Variants in KPTN observed in about 807,000 individuals in gnomAD.
KPTN encodes the protein KICSTOR complex protein kaptin.
In KPTN, 36 loss-of-function variants were observed where a neutral mutation model predicts 52.6. The ratio of observed to expected loss-of-function variants is 0.68; its 90% CI spans 0.52 to 0.90. KPTN has a LOEUF of 0.90. Ranked by LOEUF, KPTN falls within the 40% of genes least tolerant of loss-of-function variation. KPTN has a pLI of 0.00. For missense variants in KPTN, 529 were observed against 576.2 expected (o/e 0.92, Z 0.84); for synonymous variants, 271 against 248.4 (o/e 1.09, Z -0.85).
chr19:47,483,175 C>G lies in KPTN; in HGVS notation c.435G>C (p.Gln145His). The G allele has an allele frequency of 6.2e-7, 1 of 1,614,018 alleles. No homozygotes were observed. Among genetic ancestry groups the G allele is most frequent in the Non-Finnish European group, 8.5e-7 (1 of 1,179,976 alleles). ...GGGACACTCACTCCGCATGGCACAG[C>G]TGGAACGGAGTGAACTGGAGCTCCA... ...LNLELQFTPFQLCHAEVQVGD... is the reference protein window; with the variant it reads ...LNLELQFTPFHLCHAEVQVGD... Residue 145 changes from glutamine to histidine, a missense_variant, in exon 4 of 12, where the codon CAG becomes CAC. Physicochemically the swap from Gln to His is conservative, Grantham distance 24. Coordinates refer to ENST00000338134, the MANE Select transcript of KPTN (RefSeq NM_007059.4).
At chr19:47,480,428 C>A in intron 6 of KPTN, 21 bp from the exon 7 acceptor site, 2 of 1,515,984 alleles carry the variant, frequency 1.3e-6, no homozygotes, top group Non-Finnish European at 1.8e-6. Context: ...GGTGGATGGA[C>A]AGGACGGACG....
At chr19:47,477,293 G>A (rs1967704434) in intron 9 of KPTN, among the ~76,000 whole-genome samples, 1 of 152,192 alleles carries the variant, frequency 6.6e-6, no homozygotes, top group Non-Finnish European at 1.5e-5. Context: ...CCCTAGAGGG[G>A]TGCCAGAGCT....
At chr19:47,476,746 T>C in intron 10 of KPTN, 32 bp from the exon 11 acceptor site, 1 of 1,606,700 alleles carries the variant, frequency 6.2e-7, no homozygotes, top group Non-Finnish European at 8.5e-7. Context: ...TCACACAGGT[T>C]GATGGGGGGA....
At chr19:47,483,132 G>A in intron 4 of KPTN, 29 bp downstream of exon 4, 1 of 1,608,584 alleles carries the variant, frequency 6.2e-7, no homozygotes, top group Non-Finnish European at 8.5e-7. Context: ...TTACAGTGGA[G>A]TGGGCGTCGA....
chr19:47,479,987 G>GC, intron 7 of KPTN, 47 bp from the exon 8 acceptor site: 1 of 1,084,704 alleles, frequency 9.2e-7, no homozygotes. Flanking sequence ...CCCCGGTCCC[G>GC]CCCGCAGCCC....
chr19:47,484,140 C>T lies in KPTN; in HGVS notation c.21G>A (p.Val7=). Residue 7 remains valine, a synonymous_variant, in exon 1 of 12, where the codon GTG becomes GTA. Transcript: ENST00000338134. The part of the protein sequence containing the change: MMGEAA[V]AAGPCPLRED... ...CGCGCAACGGACAAGGCCCCGCGGC[C>T]ACGGCCGCCTCCCCCATCATGCCCC... 3 of 1,598,336 alleles carry T rather than the reference C, an allele frequency of 1.9e-6. No homozygotes were observed. The highest frequency in any genetic ancestry group is 2.5e-6 in the Non-Finnish European group (3 of 1,178,718).
At position 47,475,411 on chromosome 19, in the gene KPTN, G is replaced by A. The variant is rs1295239109; in HGVS notation, c.*5C>T. 6.2e-7 allele frequency: 1 copy of A among 1,611,618 alleles called. No individual in the cohort carries two copies. Among genetic ancestry groups the A allele is most frequent in the Admixed American group, 1.7e-5 (1 of 59,902 alleles). Reference sequence around the variant, plus strand: ...CAGGTCTGGGAAGAGTGGGTGCATGGGTGCTTAAGAGGCTGCATTCTCAGC... The same window carrying A: ...CAGGTCTGGGAAGAGTGGGTGCATGAGTGCTTAAGAGGCTGCATTCTCAGC... On this transcript the variant is annotated 3_prime_UTR_variant, in exon 12 of 12. Transcript: ENST00000338134.
rs1046273 is a variant in KPTN, at chr19:47,475,482, C to T, written c.1245G>A (p.Arg415=). 0.021 allele frequency: 34,230 copies of T among 1,613,516 alleles called. 547 individuals are homozygous for T. The highest frequency in any genetic ancestry group is 0.062 in the Admixed American group (3,730 of 59,964). The change falls in exon 12 of 12, where the codon AGG becomes AGA. Residue 415 remains arginine, a synonymous_variant. Transcript: ENST00000338134. ...CCTCCAACCCCTGTAGCCGACGTCTCCTCTGCTCCACTTGATGTCGAAGCC... is the reference window on the plus strand; with the variant it reads ...CCTCCAACCCCTGTAGCCGACGTCTTCTCTGCTCCACTTGATGTCGAAGCC... The part of the protein sequence containing the change: ...LTRLRHQVEQ[R]RRRLQGLEDG...
At position 47,484,183 on chromosome 19, in the gene KPTN, C is replaced by G. The variant is rs1568459304; in HGVS notation, c.-23G>C. 6.3e-7 allele frequency: 1 copy of G among 1,580,022 alleles called. No homozygotes were observed. Among genetic ancestry groups the G allele is most frequent in the African/African-American group, 1.3e-5 (1 of 74,252 alleles). ...CATGCCCCTCAGTTAAGCACCCTCTCCGCAGCCCCCGCCCCAACCCGCACT... is the reference window on the plus strand; with the variant it reads ...CATGCCCCTCAGTTAAGCACCCTCTGCGCAGCCCCCGCCCCAACCCGCACT... On this transcript the variant is annotated 5_prime_UTR_variant, in exon 1 of 12. Transcript: ENST00000338134.
chr19:47,480,353 A>G lies in KPTN; in HGVS notation c.654T>C (p.Ala218=), dbSNP rs1233851935. The G allele has an allele frequency of 1.3e-6, 2 of 1,549,300 alleles. No individual in the cohort carries two copies. The highest frequency in any genetic ancestry group is 1.7e-6 in the Non-Finnish European group (2 of 1,146,458). ...GGACATAACCACTCTGACAGCCCAG[A>G]GCTGAGAGGCGCCGGGACGTGCCGG... is the stretch of plus-strand genomic sequence containing the variant. ...NFPGTSRRLS[A]LGCQSGYVRV... The change falls in exon 7 of 12, where the codon GCT becomes GCC. Residue 218 remains alanine (A), a synonymous_variant. Coordinates refer to ENST00000338134, the MANE Select transcript of KPTN (RefSeq NM_007059.4).
rs1000329355 is a variant in KPTN at position 47,477,717 on chromosome 19, T to G, written c.852A>C (p.Ala284=). 1 of 1,613,368 alleles carries G rather than the reference T, an allele frequency of 6.2e-7. No individual in the cohort carries two copies. The highest frequency in any genetic ancestry group is 1.7e-4 in the Middle Eastern group (1 of 6,058). Residue 284 remains alanine, a synonymous_variant, in exon 9 of 12, where the codon GCA becomes GCC. Transcript: ENST00000338134. The part of the protein sequence containing the change: ...SVLVASMLEP[A]VVYRDLLNRG... Reference sequence around the variant, plus strand: ...TCAGGCCCCCTCACCGATACACCACTGCTGGCTCCAACATGCTGGCCACGA... The same window carrying G: ...TCAGGCCCCCTCACCGATACACCACGGCTGGCTCCAACATGCTGGCCACGA...
chr19:47,481,148 G>C, intron 4 of KPTN, 115 bp from the exon 5 acceptor site: 1 of 787,182 alleles, frequency 1.3e-6, no homozygotes, highest in Non-Finnish European at 2.2e-6. Flanking sequence ...CTGGGATCCA[G>C]ACACTAGACC....
Position 47,481,052 on chromosome 19 carries a change from A to G in KPTN, c.450-19T>C. 6.4e-7 allele frequency: 1 copy of G among 1,561,826 alleles called. No homozygotes were observed. Among genetic ancestry groups the G allele is most frequent in the East Asian group, 2.3e-5 (1 of 42,642 alleles). Reference sequence around the variant, plus strand: ...CTGGACCCTGAAAGCAGAGAAATCTAGAACCCAAGGTAGTGGAATCCACAT... The same window carrying G: ...CTGGACCCTGAAAGCAGAGAAATCTGGAACCCAAGGTAGTGGAATCCACAT... On this transcript the variant is annotated intron_variant, in intron 4 of 11. Transcript: ENST00000338134.
At chr19:47,475,597 C>G in intron 11 of KPTN, 53 bp from the exon 12 acceptor site, 4 of 1,597,030 alleles carry the variant, frequency 2.5e-6, no homozygotes, top group Non-Finnish European at 3.4e-6. Flanking sequence ...GCTGTGGGAC[C>G]ACAGCGGGAC....
intron 1 of KPTN, 143 bp from the exon 2 acceptor site, chr19:47,483,727 C>G (rs1967971825): frequency 1.1e-6 from 1 of 895,240 alleles, no homozygotes; most frequent in South Asian, 1.7e-5. Context: ...TCCCTGGGTA[C>G]TAGGGATCCT....
intron 9 of KPTN, among the ~76,000 whole-genome samples, chr19:47,477,253 G>C (rs1368662606): frequency 2.0e-5 from 3 of 152,314 alleles, no homozygotes; most frequent in Admixed American, 1.3e-4. Flanking sequence ...CCCGAAGAGG[G>C]CTTGGCCCTG....
Position 47,480,386 on chromosome 19 carries a change from G to A in KPTN, c.621C>T (p.His207=). The change falls in exon 7 of 12, where the codon CAC becomes CAT. Residue 207 remains histidine, a synonymous_variant. Coordinates refer to ENST00000338134, the MANE Select transcript of KPTN (RefSeq NM_007059.4). ...GGCGCCGGGACGTGCCGGGGAAGTTGTGGACGTCCAGCCAGAGGACGCTGG... is the reference window on the plus strand; with the variant it reads ...GGCGCCGGGACGTGCCGGGGAAGTTATGGACGTCCAGCCAGAGGACGCTGG... The part of the protein sequence containing the change: ...LTSSVLWLDV[H]NFPGTSRRLS... 1 of 1,549,110 alleles carries A rather than the reference G, an allele frequency of 6.5e-7. No individual in the cohort carries two copies. The highest frequency in any genetic ancestry group is 1.2e-5 in the South Asian group (1 of 83,860).
intron 4 of KPTN, among the ~76,000 whole-genome samples, chr19:47,482,243 C>T (rs893408874): frequency 6.6e-6 from 1 of 152,174 alleles, no homozygotes; most frequent in Non-Finnish European, 1.5e-5. Flanking sequence ...AATCCCAGCA[C>T]TTTGGGAGGC....
In KPTN at chr19:47,484,115, C is replaced by A. The variant is rs372379197; in HGVS notation, c.46G>T (p.Glu16Ter). ...GACGAGAAGCGCGTGAAGCTGTCCTCGCGCAACGGACAAGGCCCCGCGGCC... is the reference window on the plus strand; with the variant it reads ...GACGAGAAGCGCGTGAAGCTGTCCTAGCGCAACGGACAAGGCCCCGCGGCC... ...AVAAGPCPLREDSFTRFSSQS... is the reference protein window; with the variant it reads ...AVAAGPCPLR The change falls in exon 1 of 12, where the codon GAG becomes TAG. Residue 16 changes from glutamate (E) to a stop codon, truncating the protein, a stop_gained. Coordinates refer to ENST00000338134, the MANE Select transcript of KPTN (RefSeq NM_007059.4). LOFTEE classifies it high-confidence loss of function. The A allele has an allele frequency of 3.1e-6, 5 of 1,603,136 alleles. No individual in the cohort carries two copies. The African/African-American group carries it at 5.3e-5, about 17-fold the overall frequency.
Sources: allele counts gnomAD v4.1 joint callset (sites outside exome capture counted in the v4.1 genomes callset), GRCh38; gene constraint gnomAD v4.1.1; transcripts MANE v1.5; gene names NCBI Gene and HGNC (gene_info 2026-07-23, HGNC 2026-07-21).